The following SP6 variants were observed in gnomAD, a reference collection of about 807,000 sequenced individuals.
The protein encoded by SP6 is transcription factor Sp6.
In SP6, 10 loss-of-function variants were observed where a neutral mutation model predicts 23.4. The ratio of observed to expected loss-of-function variants is 0.43; its 90% CI spans 0.26 to 0.72. SP6 has a LOEUF of 0.72. Ranked by LOEUF, SP6 falls within the 30% of genes least tolerant of loss-of-function variation. The pLI is 0.23. For synonymous variants in SP6, 238 were observed against 238.7 expected (o/e 1.00, Z 0.03); for missense variants, 482 against 523.8 (o/e 0.92, Z 0.78).
At chr17:47,865,505 G>A in the SP6 span, among the ~76,000 whole-genome samples, 1 of 152,258 alleles carries the variant, frequency 6.6e-6, no homozygotes, top group African/African-American at 2.4e-5. Context: ...CCCTGGGGAA[G>A]GCTCCACCTC....
rs775943368 is a variant in SP6, at chr17:47,847,418, C to G, written c.1012G>C (p.Gly338Arg). 6.2e-7 allele frequency: 1 copy of G among 1,613,624 alleles called. No homozygotes were observed. Among genetic ancestry groups the G allele is most frequent in the South Asian group, 1.1e-5 (1 of 91,078 alleles). ...GCCCCAGCCGCCTCCTCCTTGGCGC[C>G]CTCGTGGGTTTTCATGTGCTTGGCC... ...HLAKHMKTHEGAKEEAAGAAS... is the reference protein window; with the variant it reads ...HLAKHMKTHERAKEEAAGAAS... The change falls in exon 2 of 2, where the codon GGC becomes CGC. Residue 338 changes from glycine (G) to arginine (R), a missense_variant. By Grantham distance (125) the Gly-to-Arg change is moderately radical. Around this residue, in one of 3 missense-constraint regions of SP6, gnomAD observed 101 missense variants for 99.3 expected, o/e 1.02. Transcript: ENST00000536300.
chr17:47,871,985 T>C, the SP6 span, among the ~76,000 whole-genome samples: 2 of 152,200 alleles, frequency 1.3e-5, no homozygotes, highest in Admixed American at 1.3e-4. Context: ...GTTTGATTCG[T>C]TGGGGTGTGG....
chr17:47,853,955 C>T (rs544062182), upstream of SP6, among the ~76,000 whole-genome samples: 10 of 152,078 alleles, frequency 6.6e-5, no homozygotes, highest in African/African-American at 1.5e-4. Context: ...CACCGAATGA[C>T]GGCGCATGGT....
the SP6 span, among the ~76,000 whole-genome samples, chr17:47,868,264 G>A: frequency 1.3e-5 from 2 of 152,220 alleles, no homozygotes; most frequent in Non-Finnish European, 2.9e-5. Context: ...AGTGTGTGCA[G>A]TGAGCAAATA....
rs573839368 is a variant in SP6, at chr17:47,849,003, A to G, written c.-57-517T>C. On this transcript the variant is annotated intron_variant, in intron 1 of 1. Transcript: ENST00000536300. ...GCCTCAAACGGGTCCTGAGTCTTTGAAAGAGTTCTCATGCCATTCCCAAAG... is the reference window on the plus strand; with the variant it reads ...GCCTCAAACGGGTCCTGAGTCTTTGGAAGAGTTCTCATGCCATTCCCAAAG... 9.9e-5 allele frequency among the ~76,000 whole-genome samples: 15 copies of G among 152,252 alleles called. No homozygotes were observed. The East Asian group carries it at 2.3e-3, about 23-fold the overall frequency.
chr17:47,865,865 A>G, the SP6 span, among the ~76,000 whole-genome samples: 1 of 152,092 alleles, frequency 6.6e-6, no homozygotes, highest in Non-Finnish European at 1.5e-5. Flanking sequence ...CTTCGCTTTG[A>G]AAAACTTCCA....
At chr17:47,861,009 G>A in the SP6 span, among the ~76,000 whole-genome samples, 2 of 152,248 alleles carry the variant, frequency 1.3e-5, no homozygotes, top group Admixed American at 1.3e-4. Context: ...TAGAGAGGAG[G>A]CTGGGTATCA....
intron 1 of SP6, among the ~76,000 whole-genome samples, chr17:47,850,088 T>C (rs2033938799): frequency 1.3e-5 from 2 of 151,890 alleles, no homozygotes; most frequent in South Asian, 4.2e-4. Context: ...CAGGCCGGGG[T>C]GGGGCAGCAC....
rs1422760914 is a variant in SP6, at chr17:47,847,653, C to T, written c.777G>A (p.Pro259=). ...TCTTGGCGTAGGCTTTCCCGCAGCC[C>T]GGGATGTGGCAGTTGTGCAAATGCT... The part of the protein sequence containing the change: ...KKKHLHNCHI[P]GCGKAYAKTS... Residue 259 remains proline (P), a synonymous_variant, in exon 2 of 2, where the codon CCG becomes CCA. Coordinates refer to ENST00000536300, the MANE Select transcript of SP6 (RefSeq NM_001258248.2). The T allele has an allele frequency of 8.7e-6, 14 of 1,612,696 alleles. No homozygotes were observed. Among genetic ancestry groups the T allele is most frequent in the Non-Finnish European group, 1.2e-5 (14 of 1,179,662 alleles).
At chr17:47,872,500 TGGC>T in the SP6 span, among the ~76,000 whole-genome samples, 2 of 151,932 alleles carry the variant, frequency 1.3e-5, no homozygotes, top group Non-Finnish European at 2.9e-5. Flanking sequence ...GGAGGCTCAG[TGGC>T]GGCGGCGGCG....
At chr17:47,851,716 C>G (rs1305515631), upstream of SP6, among the ~76,000 whole-genome samples, 2 of 146,500 alleles carry the variant, frequency 1.4e-5, no homozygotes, top group East Asian at 2.1e-4. Context: ...GACCCCCGAC[C>G]CCCGTCCCCT....
At chr17:47,859,160 G>T (rs534952117), upstream of SP6, among the ~76,000 whole-genome samples, 1 of 151,994 alleles carries the variant, frequency 6.6e-6, no homozygotes, top group African/African-American at 2.4e-5. Context: ...TGTCATCCAG[G>T]ACCCTCCCAC....
rs2033882489 is a variant in SP6, at chr17:47,846,112, C to T, written c.*1187G>A. The T allele has an allele frequency of 1.3e-5, 2 of 152,354 alleles. No homozygotes were observed. Among genetic ancestry groups the T allele is most frequent in the South Asian group, 2.1e-4 (1 of 4,828 alleles). The allele number at this position is 152,354 out of a possible 1,614,324, so 9.4% of individuals were successfully genotyped here. On this transcript the variant is annotated 3_prime_UTR_variant, in exon 2 of 2. Transcript: ENST00000536300. ...AGTGGGAGAACAACTCTTTCCTCTCCCTTCCCCTGTGAGATGAGGGGGAGG... is the reference window on the plus strand; with the variant it reads ...AGTGGGAGAACAACTCTTTCCTCTCTCTTCCCCTGTGAGATGAGGGGGAGG...
chr17:47,856,905 G>C (rs921670404), upstream of SP6, among the ~76,000 whole-genome samples: 1 of 151,862 alleles, frequency 6.6e-6, no homozygotes, highest in Non-Finnish European at 1.5e-5. Context: ...CTCTTCTCCT[G>C]CTCCTCCCCT....
At chr17:47,866,671 G>A in the SP6 span, among the ~76,000 whole-genome samples, 7 of 152,016 alleles carry the variant, frequency 4.6e-5, no homozygotes, top group East Asian at 1.9e-4. Flanking sequence ...TGGAGAAATC[G>A]CCTTGCCCAC....
chr17:47,869,867 A>G, the SP6 span, among the ~76,000 whole-genome samples: 4 of 152,242 alleles, frequency 2.6e-5, no homozygotes, highest in East Asian at 5.8e-4. Flanking sequence ...CTATATTTAT[A>G]ACACTTTTCT....
upstream of SP6, among the ~76,000 whole-genome samples, chr17:47,854,735 G>A (rs1358018366): frequency 6.6e-6 from 1 of 152,136 alleles, no homozygotes; most frequent in Non-Finnish European, 1.5e-5. Context: ...GCCCCAAATT[G>A]TCTCGTCCAA....
At chr17:47,874,006 C>T in the SP6 span, among the ~76,000 whole-genome samples, 1 of 150,126 alleles carries the variant, frequency 6.7e-6, no homozygotes, top group Admixed American at 6.7e-5. Context: ...TTTTCTTCTC[C>T]TTCCTCCCTC....
rs1191773389 is a variant in SP6, at chr17:47,848,391, G to C, written c.39C>G (p.His13Gln). Residue 13 changes from histidine (H) to glutamine (Q), a missense_variant, in exon 2 of 2, where the codon CAC (histidine) becomes CAG (glutamine). His to Gln is a conservative substitution (Grantham distance 24). Around this residue, in one of 3 missense-constraint regions of SP6, gnomAD observed 330 missense variants for 332.3 expected, o/e 0.99. Transcript: ENST00000536300. This position sits in a 1 kb window ranked among gnomAD's most constrained non-coding sequence, Gnocchi z 5.3. ...GCGGGGAGGCGTGCGGCGCTTCCGT[G>C]TGCTGGCTGCCCAGAGAGCCGCAGA... The part of the protein sequence containing the change: ...TAVCGSLGSQ[H>Q]TEAPHASPPR... The C allele has an allele frequency of 1.3e-6, 2 of 1,548,078 alleles. No homozygotes were observed. The highest frequency in any genetic ancestry group is 4.0e-5 in the Admixed American group (2 of 50,582).
Sources: gnomAD v4.1 joint callset for allele counts (sites outside exome capture counted in the v4.1 genomes callset) on GRCh38, gnomAD v4.1.1 for gene constraint, gnomAD v4.1.1 regional missense constraint, Gnocchi (gnomAD v3.1) non-coding constraint, MANE v1.5 for transcripts, NCBI Gene and HGNC (gene_info 2026-07-23, HGNC 2026-07-21) for gene names.